Variants in NFKB1 observed in about 807,000 individuals in gnomAD.
NFKB1 encodes the protein nuclear factor NF-kappa-B p105 subunit.
Under a neutral mutation model 105.1 loss-of-function variants are expected in NFKB1, and 9 were observed. That is an observed-to-expected ratio of 0.09 (90% confidence interval 0.05 to 0.15). The LOEUF is 0.15. Among genes scored for constraint, NFKB1 ranks in the 10% least tolerant of loss-of-function variants. NFKB1 has a pLI of 1.00. For synonymous variants in NFKB1, 440 were observed against 442.2 expected, an observed-to-expected ratio of 1.00 and a Z score of 0.06; for missense variants, 830 against 1,203.7, an observed-to-expected ratio of 0.69 and a Z score of 4.59.
chr4:102,584,566 G>A, intron 10 of NFKB1, 116 bp from the exon 11 acceptor site: 1 of 1,012,368 alleles, frequency 9.9e-7, no homozygotes, highest in South Asian at 2.3e-5. Context: ...TTAGTACACT[G>A]TGTCTAAACA....
At chr4:102,510,498 CTT>C (rs1739708738) in intron 1 of NFKB1, among the ~76,000 whole-genome samples, 1 of 152,154 alleles carries the variant, frequency 6.6e-6, no homozygotes, top group South Asian at 2.1e-4. Flanking sequence ...AATTGGAAGA[CTT>C]CAGATTTTCT....
intron 5 of NFKB1, among the ~76,000 whole-genome samples, chr4:102,563,923 G>A (rs1392108490): frequency 6.7e-6 from 1 of 149,574 alleles, no homozygotes; most frequent in Non-Finnish European, 1.5e-5. Context: ...CTGGGTTCAA[G>A]TGATTCTCCT....
chr4:102,507,476 T>C lies in NFKB1; in HGVS notation c.-8+5688T>C, dbSNP rs187626422. ...GTAATTTATTTTTTATTTTTTATTT[T>C]TTTTCAGTAGAGATGGGATTTTGCT... On this transcript the variant is annotated intron_variant, in intron 1 of 23. Transcript: ENST00000226574. Among the ~76,000 whole-genome samples, 579 of 152,244 alleles carry C rather than the reference T, an allele frequency of 3.8e-3. 2 individuals are homozygous for C. Among genetic ancestry groups the C allele is most frequent in the African/African-American group, 0.013 (557 of 41,552 alleles).
chr4:102,515,406 G>A (rs555442318), intron 1 of NFKB1, among the ~76,000 whole-genome samples: 18 of 152,068 alleles, frequency 1.2e-4, no homozygotes, highest in Non-Finnish European at 2.1e-4. Flanking sequence ...CACCGCGCCC[G>A]GCCCCATGTA....
At chr4:102,552,663 A>G (rs967153394) in intron 5 of NFKB1, among the ~76,000 whole-genome samples, 9 of 152,348 alleles carry the variant, frequency 5.9e-5, no homozygotes, top group African/African-American at 2.2e-4. Context: ...ATAGAAATTA[A>G]TAGCTTACAC....
chr4:102,588,602 A>G (rs1725914890), intron 11 of NFKB1, among the ~76,000 whole-genome samples: 1 of 152,198 alleles, frequency 6.6e-6, no homozygotes, highest in Admixed American at 6.5e-5. Context: ...AGAATGAGGT[A>G]CTTTTAAGGC....
At chr4:102,602,022 C>T (rs1419827881) in intron 16 of NFKB1, among the ~76,000 whole-genome samples, 3 of 152,198 alleles carry the variant, frequency 2.0e-5, no homozygotes. Context: ...GTGTATCTCT[C>T]ACTCCAAAAC....
At chr4:102,569,731 T>C (rs893508203) in intron 6 of NFKB1, among the ~76,000 whole-genome samples, 2 of 152,136 alleles carry the variant, frequency 1.3e-5, no homozygotes, top group Admixed American at 1.3e-4. Flanking sequence ...TCTTCATCTT[T>C]CCCTCAGTAT....
Position 102,533,900 on chromosome 4 carries a change from G to C in NFKB1, c.159+15G>C, listed in dbSNP as rs755209880. The C allele has an allele frequency of 6.2e-7, 1 of 1,606,000 alleles. No homozygotes were observed. Among genetic ancestry groups the C allele is most frequent in the Non-Finnish European group, 8.5e-7 (1 of 1,174,276 alleles). ...AACCTAAACAGGTAAGATTAAAGGG[G>C]TGGGACTTTAAATGTTAGATTCCAG... On this transcript the variant is annotated intron_variant, in intron 4 of 23. Transcript: ENST00000226574.
chr4:102,574,125 CTT>C (rs56977004), intron 6 of NFKB1, among the ~76,000 whole-genome samples: 2 of 93,250 alleles, frequency 2.1e-5, no homozygotes, highest in East Asian at 3.2e-4. Context: ...TCTTGGATTC[CTT>C]TTTTTTTTTT....
chr4:102,532,472 T>C (rs1205838557), intron 3 of NFKB1, among the ~76,000 whole-genome samples: 3 of 151,938 alleles, frequency 2.0e-5, no homozygotes, highest in African/African-American at 7.3e-5. Context: ...ACTAAAAAAA[T>C]ACAAAAATTA....
chr4:102,584,152 C>T (rs543729181), intron 10 of NFKB1, among the ~76,000 whole-genome samples: 2 of 152,154 alleles, frequency 1.3e-5, no homozygotes, highest in South Asian at 4.2e-4. Flanking sequence ...ATCTTTATCC[C>T]TGTGAATATA....
intron 5 of NFKB1, among the ~76,000 whole-genome samples, chr4:102,557,432 A>C (rs1285236649): frequency 6.6e-6 from 1 of 152,170 alleles, no homozygotes; most frequent in Non-Finnish European, 1.5e-5. Context: ...TCTTACTCCA[A>C]AGCCTGTGCT....
chr4:102,508,909 T>C (rs1394950293), intron 1 of NFKB1, among the ~76,000 whole-genome samples: 2 of 152,212 alleles, frequency 1.3e-5, no homozygotes, highest in African/African-American at 4.8e-5. Context: ...ATCTCATGGT[T>C]GAGAAATACA....
At chr4:102,583,910 G>C (rs534669227) in intron 10 of NFKB1, among the ~76,000 whole-genome samples, 1 of 152,098 alleles carries the variant, frequency 6.6e-6, no homozygotes, top group African/African-American at 2.4e-5. Context: ...AGTACTCTGC[G>C]AACTAATATA....
chr4:102,546,902 G>A (rs1156296273), intron 5 of NFKB1, among the ~76,000 whole-genome samples: 1 of 152,166 alleles, frequency 6.6e-6, no homozygotes, highest in Non-Finnish European at 1.5e-5. Flanking sequence ...AATTCTTACA[G>A]ATTCAGAGTT....
Position 102,517,715 on chromosome 4 carries a change from T to TA in NFKB1, c.-7-7796dup, listed in dbSNP as rs369024515. Among the ~76,000 whole-genome samples, 1,088 of 152,274 alleles carry TA rather than the reference T, an allele frequency of 7.1e-3. 11 individuals carry two copies. The highest frequency in any genetic ancestry group is 0.027 in the Middle Eastern group (8 of 294). On this transcript the variant is annotated intron_variant, in intron 1 of 23. Coordinates refer to ENST00000226574, the MANE Select transcript of NFKB1 (RefSeq NM_003998.4). ...TTTCTTGGCAGAAATTGGATTTAAC[T>TA]AGAGCCTTGAAGAGTGGATGCTATT...
intron 5 of NFKB1, among the ~76,000 whole-genome samples, chr4:102,543,251 T>C (rs1721865522): frequency 6.6e-6 from 1 of 152,120 alleles, no homozygotes; most frequent in Non-Finnish European, 1.5e-5. Flanking sequence ...TCAGAAACTC[T>C]CACCAATCCT....
chr4:102,510,934 T>G (rs2149097925), intron 1 of NFKB1: 1 of 1,285,200 alleles, frequency 7.8e-7, no homozygotes, highest in East Asian at 5.6e-5. Context: ...CTTGGAGATA[T>G]GAAAAGAACC....
Sources: gnomAD v4.1 joint callset for allele counts (sites outside exome capture counted in the v4.1 genomes callset) on GRCh38, gnomAD v4.1.1 for gene constraint, MANE v1.5 for transcripts, NCBI Gene and HGNC (gene_info 2026-07-23, HGNC 2026-07-21) for gene names.